MAGI1: variants seen among roughly 807,000 people sequenced by gnomAD.
The protein encoded by MAGI1 is membrane associated guanylate kinase, WW and PDZ domain containing 1.
A neutral mutation model predicts 139.9 loss-of-function variants in MAGI1; 58 were observed. The observed-to-expected ratio is 0.41, with a 90% CI of 0.34 to 0.52. The LOEUF (loss-of-function observed/expected upper bound fraction) is 0.52. MAGI1 is among the 20% of genes least tolerant of loss of function. The pLI is 0.12. For missense variants in MAGI1, 1,874 were observed against 1,901.6 expected (o/e 0.99, Z 0.27); for synonymous variants, 812 against 737.9 (o/e 1.10, Z -1.63).
At chr3:65,455,704 T>G (rs1286751335) in intron 5 of MAGI1, among the ~76,000 whole-genome samples, 1 of 152,122 alleles carries the variant, frequency 6.6e-6, no homozygotes, top group Admixed American at 6.5e-5. Context: ...GCCACTGTAC[T>G]CTAGCCTGGG....
intron 5 of MAGI1, among the ~76,000 whole-genome samples, chr3:65,467,668 A>C (rs1465387288): frequency 1.3e-5 from 2 of 152,238 alleles, no homozygotes; most frequent in South Asian, 4.1e-4. Flanking sequence ...GCATCCTGCT[A>C]ACCATCAAGA....
At chr3:65,910,241 C>G (rs1171562287) in intron 1 of MAGI1, among the ~76,000 whole-genome samples, 1 of 152,068 alleles carries the variant, frequency 6.6e-6, no homozygotes, top group Non-Finnish European at 1.5e-5. Flanking sequence ...TTGAGGCTGC[C>G]AAAGTGAAGA....
intron 1 of MAGI1, among the ~76,000 whole-genome samples, chr3:65,738,256 G>C (rs1409110364): frequency 6.6e-6 from 1 of 152,170 alleles, no homozygotes; most frequent in Non-Finnish European, 1.5e-5. Context: ...ACATATAAAA[G>C]TTATATTTAA....
chr3:65,922,756 C>G (rs528766111), intron 1 of MAGI1, among the ~76,000 whole-genome samples: 1 of 152,240 alleles, frequency 6.6e-6, no homozygotes, highest in South Asian at 2.1e-4. Flanking sequence ...ACTTCATCCC[C>G]AAAGAAAATT....
In MAGI1 at chr3:65,719,548, C is replaced by CT. The variant is rs60382042; in HGVS notation, c.314-97461dup. Among the ~76,000 whole-genome samples the CT allele has an allele frequency of 9.7e-3, 1,361 of 140,590 alleles. 18 individuals are homozygous for CT. The highest frequency in any genetic ancestry group is 0.026 in the African/African-American group (1,008 of 38,482). 92.2% of individuals were successfully genotyped at this position (140,590 alleles called of 152,430 possible). On this transcript the variant is annotated intron_variant, in intron 1 of 22. Coordinates refer to ENST00000402939, the MANE Select transcript of MAGI1 (RefSeq NM_001033057.2). ...GTACCATAACTTATCTACTCAACCT[C>CT]TTTTTTTTTTTTTTTGAAACAGGGT... is the stretch of plus-strand genomic sequence containing the variant.
intron 1 of MAGI1, among the ~76,000 whole-genome samples, chr3:65,978,639 T>TTC (rs11371219): frequency 7.0e-6 from 1 of 142,868 alleles, no homozygotes; most frequent in South Asian, 2.2e-4. Flanking sequence ...TTTTTTTTTT[T>TTC]CTTTTTGAGA....
At chr3:65,502,607 T>C (rs751900386) in intron 2 of MAGI1, among the ~76,000 whole-genome samples, 13 of 152,200 alleles carry the variant, frequency 8.5e-5, no homozygotes, top group Non-Finnish European at 1.5e-4. Context: ...GACCCTCTTC[T>C]TGATTTTCAG....
At chr3:65,961,625 C>A (rs1234758977) in intron 1 of MAGI1, among the ~76,000 whole-genome samples, 1 of 152,134 alleles carries the variant, frequency 6.6e-6, no homozygotes, top group African/African-American at 2.4e-5. Context: ...AAACTAATGA[C>A]TTGTTTTTAA....
intron 1 of MAGI1, among the ~76,000 whole-genome samples, chr3:65,766,797 G>A (rs2037515363): frequency 6.6e-6 from 1 of 152,058 alleles, no homozygotes. Context: ...GCTGAGGCAG[G>A]AGAATCGCTT....
intron 1 of MAGI1, among the ~76,000 whole-genome samples, chr3:65,800,113 G>A (rs535447467): frequency 1.3e-5 from 2 of 152,256 alleles, no homozygotes; most frequent in East Asian, 3.9e-4. Context: ...TCCATAAATG[G>A]AGAGCCTAAT....
intron 12 of MAGI1, among the ~76,000 whole-genome samples, chr3:65,425,328 C>T (rs370523348): frequency 3.3e-5 from 5 of 151,950 alleles, no homozygotes; most frequent in African/African-American, 4.8e-5. Flanking sequence ...TTTCAGAAGT[C>T]TAACTAAGCT....
intron 1 of MAGI1, among the ~76,000 whole-genome samples, chr3:65,795,160 G>A (rs2040041459): frequency 6.6e-6 from 1 of 152,170 alleles, no homozygotes; most frequent in Non-Finnish European, 1.5e-5. Flanking sequence ...AATGAGAAAA[G>A]GACATTTATG....
chr3:65,465,672 T>C (rs1013718474), intron 5 of MAGI1, among the ~76,000 whole-genome samples: 3 of 152,218 alleles, frequency 2.0e-5, no homozygotes, highest in Non-Finnish European at 2.9e-5. Flanking sequence ...TTTCTGGTTT[T>C]AGTTTTCAAA....
At chr3:65,780,075 T>C (rs2038808239) in intron 1 of MAGI1, among the ~76,000 whole-genome samples, 1 of 151,578 alleles carries the variant, frequency 6.6e-6, no homozygotes, top group South Asian at 2.1e-4. Flanking sequence ...CAGGCTGGAG[T>C]GGACTGGTGC....
chr3:65,645,091 C>A (rs757973582), intron 1 of MAGI1, among the ~76,000 whole-genome samples: 4 of 150,360 alleles, frequency 2.7e-5, no homozygotes, highest in Non-Finnish European at 5.9e-5. Flanking sequence ...TAACAACAGA[C>A]CTAAAATTTA....
At chr3:65,713,177 C>T (rs777935798) in intron 1 of MAGI1, among the ~76,000 whole-genome samples, 15 of 152,156 alleles carry the variant, frequency 9.9e-5, no homozygotes, top group Non-Finnish European at 1.6e-4. Flanking sequence ...TGTTTGTGGG[C>T]ATAAAACATT....
At chr3:65,489,389 T>G (rs183040836) in intron 3 of MAGI1, among the ~76,000 whole-genome samples, 1 of 152,324 alleles carries the variant, frequency 6.6e-6, no homozygotes, top group East Asian at 1.9e-4. Flanking sequence ...TATATATGCA[T>G]TAAAAGGCTT....
intron 1 of MAGI1, among the ~76,000 whole-genome samples, chr3:65,788,338 G>C (rs1213045905): frequency 6.6e-6 from 1 of 152,202 alleles, no homozygotes; most frequent in Non-Finnish European, 1.5e-5. Flanking sequence ...ACTAGCCAAG[G>C]TCTTGAACTC....
intron 1 of MAGI1, among the ~76,000 whole-genome samples, chr3:65,905,921 T>A (rs1433846655): frequency 6.6e-6 from 1 of 152,222 alleles, no homozygotes; most frequent in Admixed American, 6.5e-5. Flanking sequence ...TTTCCGGATA[T>A]AAGAAAGAGT....
Sources: gnomAD v4.1 joint callset for allele counts (sites outside exome capture counted in the v4.1 genomes callset) on GRCh38, gnomAD v4.1.1 for gene constraint, MANE v1.5 for transcripts, NCBI Gene and HGNC (gene_info 2026-07-23, HGNC 2026-07-21) for gene names.